Variants in OSBP2 observed in about 807,000 individuals in gnomAD.
OSBP2 encodes the protein oxysterol binding protein 2, also known as oxysterol-binding protein 2.
In OSBP2, 66 loss-of-function variants were observed where a neutral mutation model predicts 96.0. That is an observed-to-expected ratio of 0.69 (90% CI 0.56 to 0.84). OSBP2 has a LOEUF of 0.84. OSBP2 is among the 40% of genes least tolerant of loss of function. The pLI is 0.00. For missense variants in OSBP2, 1,038 were observed against 1,222.7 expected (o/e 0.85, Z 2.25); for synonymous variants, 525 against 520.9 (o/e 1.01, Z -0.11).
At chr22:30,893,760 A>G (rs749422909) in intron 11 of OSBP2, 27 bp downstream of exon 11, 3 of 1,612,186 alleles carry the variant, frequency 1.9e-6, no homozygotes, top group Admixed American at 3.3e-5. Context: ...ACCTCTAAGC[A>G]CCCCAGGGGG....
At position 30,791,663 on chromosome 22, in the gene OSBP2, C is replaced by T. The variant is rs370174233; in HGVS notation, c.853+50294C>T. 2.0e-5 allele frequency among the ~76,000 whole-genome samples: 3 copies of T among 152,274 alleles called. No individual in the cohort carries two copies. The East Asian group carries it at 5.8e-4, about 29-fold the overall frequency. On this transcript the variant is annotated intron_variant, in intron 2 of 13. Transcript: ENST00000332585. ...ATTCTAAATAAAATCAGTCCTGTCT[C>T]TTTAATGTATCCGTGCCACAGTTTT...
chr22:30,848,059 A>G (rs1398278796), intron 2 of OSBP2, among the ~76,000 whole-genome samples: 5 of 152,242 alleles, frequency 3.3e-5, no homozygotes, highest in African/African-American at 1.2e-4. Context: ...TTCACTGACT[A>G]TGTCTTAAAG....
chr22:30,742,609 T>C (rs2089954435), intron 2 of OSBP2, among the ~76,000 whole-genome samples: 1 of 152,202 alleles, frequency 6.6e-6, no homozygotes, highest in Admixed American at 6.5e-5. Context: ...CACTGCCTTC[T>C]TTATTTTCCA....
intron 2 of OSBP2, among the ~76,000 whole-genome samples, chr22:30,787,598 G>A (rs755676563): frequency 6.6e-6 from 1 of 152,122 alleles, no homozygotes; most frequent in Admixed American, 6.6e-5. Context: ...ACTTGAACCC[G>A]GGAGGTGGAG....
chr22:30,718,790 G>A lies in OSBP2; in HGVS notation c.645-22371G>A, dbSNP rs1312460299. On this transcript the variant is annotated intron_variant, in intron 1 of 13. Transcript: ENST00000332585. ...GTACTAACAGATTTGTTGCAGAAAT[G>A]GCCTGGGCCCTTGCTCCTGAGCCCT... Among the ~76,000 whole-genome samples, 5 of 152,240 alleles carry A rather than the reference G, an allele frequency of 3.3e-5. No homozygotes were observed. The East Asian group carries it at 5.8e-4, about 18-fold the overall frequency.
intron 2 of OSBP2, among the ~76,000 whole-genome samples, chr22:30,762,235 T>C (rs2090213812): frequency 6.7e-6 from 1 of 149,662 alleles, no homozygotes; most frequent in South Asian, 2.1e-4. Flanking sequence ...AAATAAAAAA[T>C]AAAAAATAAA....
chr22:30,716,552 C>T (rs765589926), intron 1 of OSBP2, among the ~76,000 whole-genome samples: 2 of 152,078 alleles, frequency 1.3e-5, no homozygotes, highest in Non-Finnish European at 2.9e-5. Context: ...ATTCTCCTGC[C>T]TCAGCCTTCT....
At chr22:30,865,631 CAAAAAAAAAA>C (rs398040482) in intron 2 of OSBP2, among the ~76,000 whole-genome samples, 2 of 59,898 alleles carry the variant, frequency 3.3e-5, no homozygotes, top group African/African-American at 1.7e-4. Context: ...GACTCCATCT[CAAAAAAAAAA>C]AAAAAAAAAA....
rs2090556726 is a variant in OSBP2, at chr22:30,784,233, A to C, written c.853+42864A>C. ...CTTGGAAAAGAAGGAACCATTCAAC[A>C]AGTGTGATTTATTTATTTATTTATT... On this transcript the variant is annotated intron_variant, in intron 2 of 13. Transcript: ENST00000332585. Among the ~76,000 whole-genome samples the C allele has an allele frequency of 1.3e-5, 2 of 150,552 alleles. 1 individual carries two copies. Among genetic ancestry groups the C allele is most frequent in the South Asian group, 4.1e-4 (2 of 4,824 alleles).
chr22:30,749,371 T>C (rs2090045095), intron 2 of OSBP2, among the ~76,000 whole-genome samples: 1 of 152,178 alleles, frequency 6.6e-6, no homozygotes, highest in South Asian at 2.1e-4. Flanking sequence ...CTCTTAACCA[T>C]AAACATGTGA....
At chr22:30,775,450 A>C (rs1324882326) in intron 2 of OSBP2, among the ~76,000 whole-genome samples, 3 of 150,574 alleles carry the variant, frequency 2.0e-5, no homozygotes, top group Non-Finnish European at 4.5e-5. Context: ...TCTACTAAAA[A>C]TACAAAAAAA....
In OSBP2 at chr22:30,906,522, A is replaced by C; in HGVS notation, c.*183A>C. 1 of 700,532 alleles carries C rather than the reference A, an allele frequency of 1.4e-6. No individual in the cohort carries two copies. The highest frequency in any genetic ancestry group is 2.2e-6 in the Non-Finnish European group (1 of 462,770). The allele number at this position is 700,532 out of a possible 1,614,324, so 43.4% of individuals were successfully genotyped here. On this transcript the variant is annotated 3_prime_UTR_variant, in exon 14 of 14. Coordinates refer to ENST00000332585, the MANE Select transcript of OSBP2 (RefSeq NM_030758.4). The stretch of plus-strand genomic sequence containing the variant: ...CCCACCTTGGAAGGAGGAAGGGCTG[A>C]CCTGGGTTCTCTCCAGCCCCCAGGT...
intron 2 of OSBP2, among the ~76,000 whole-genome samples, chr22:30,744,874 C>T (rs941754534): frequency 3.3e-5 from 5 of 152,192 alleles, no homozygotes; most frequent in African/African-American, 1.2e-4. Flanking sequence ...ATTATAATTT[C>T]TTTTCAAGTA....
At chr22:30,801,958 C>CAG (rs2090856642) in intron 2 of OSBP2, among the ~76,000 whole-genome samples, 1 of 151,850 alleles carries the variant, frequency 6.6e-6, no homozygotes, top group African/African-American at 2.4e-5. Context: ...GCCTGGGCAA[C>CAG]AGAGCAAGAC....
intron 2 of OSBP2, among the ~76,000 whole-genome samples, chr22:30,762,117 G>A (rs1233680035): frequency 6.6e-6 from 1 of 151,982 alleles, no homozygotes; most frequent in East Asian, 1.9e-4. Flanking sequence ...GCTATTTGGA[G>A]GCTGAGTCAG....
At chr22:30,878,981 G>A (rs944599392) in intron 3 of OSBP2, among the ~76,000 whole-genome samples, 1 of 152,214 alleles carries the variant, frequency 6.6e-6, no homozygotes, top group Non-Finnish European at 1.5e-5. Flanking sequence ...GGGGCTGCTG[G>A]GAAGAGGGTC....
In OSBP2 at chr22:30,695,199, C is replaced by T. The variant is rs928577184; in HGVS notation, c.290C>T (p.Pro97Leu). 13 of 1,612,840 alleles carry T rather than the reference C, an allele frequency of 8.1e-6. No individual in the cohort carries two copies. Among genetic ancestry groups the T allele is most frequent in the Middle Eastern group, 1.6e-4 (1 of 6,078 alleles). The change falls in exon 1 of 14, where the codon CCA (proline) becomes CTA (leucine). Residue 97 changes from proline (P) to leucine (L), a missense_variant. Transcript: ENST00000332585. ...GAGCCGGAGCCAGGGGCTGGGCAGC[C>T]ATCGGAACTGCTGCAGGGGTCGCGG... ...TSEPEPGAGQ[P>L]SELLQGSRPG...
At chr22:30,791,578 C>T (rs997408251) in intron 2 of OSBP2, among the ~76,000 whole-genome samples, 11 of 151,954 alleles carry the variant, frequency 7.2e-5, no homozygotes, top group African/African-American at 2.2e-4. Context: ...CCGCCCGCCT[C>T]GGCCTCCCAA....
intron 2 of OSBP2, among the ~76,000 whole-genome samples, chr22:30,800,604 G>A (rs891763852): frequency 2.6e-5 from 4 of 152,148 alleles, no homozygotes; most frequent in East Asian, 1.9e-4. Context: ...GTCACAGTCC[G>A]CCTGCCAGAA....
Sources: allele counts gnomAD v4.1 joint callset (sites outside exome capture counted in the v4.1 genomes callset), GRCh38; gene constraint gnomAD v4.1.1; transcripts MANE v1.5; gene names NCBI Gene and HGNC (gene_info 2026-07-23, HGNC 2026-07-21).